The following ADORA2B variants were observed in gnomAD, a reference collection of about 807,000 sequenced individuals.
The protein encoded by ADORA2B is adenosine receptor A2b.
A neutral mutation model predicts 20.8 loss-of-function variants in ADORA2B; 18 were observed. The observed-to-expected ratio is 0.87, with a 90% confidence interval of 0.60 to 1.29. The LOEUF is 1.29. ADORA2B is among the 50% of genes most tolerant of loss of function. The pLI, the probability that ADORA2B is intolerant of heterozygous loss-of-function variation, is 0.00. For synonymous variants in ADORA2B, 179 were observed against 178.3 expected (o/e 1.00, Z -0.03); for missense variants, 441 against 422.7 (o/e 1.04, Z -0.38).
chr17:15,859,617 G>GGTTTATCCTGTTCTGTATTTTTAT, the ADORA2B span, among the ~76,000 whole-genome samples: 1 of 152,010 alleles, frequency 6.6e-6, no homozygotes, highest in Non-Finnish European at 1.5e-5. Flanking sequence ...AATCTTGAAA[G>GGTTTATCCTGTTCTGTATTTTTAT]GTTTATCCTG....
rs1242098426 is a variant in ADORA2B, at chr17:15,960,420, A to G, written c.336-14259A>G. ...ATACAAAAAATTAGCCGGGCGTGGT[A>G]GCGGGCGCCTGTAGTCCCAGCTACT... On this transcript the variant is annotated intron_variant, in intron 1 of 1. Coordinates refer to ENST00000304222, the MANE Select transcript of ADORA2B (RefSeq NM_000676.4). Among the ~76,000 whole-genome samples the G allele has an allele frequency of 3.8e-4, 4 of 10,426 alleles. 2 individuals are homozygous for G. The highest frequency in any genetic ancestry group is 4.7e-4 in the African/African-American group (4 of 8,454). 6.8% of individuals were successfully genotyped at this position (10,426 alleles called of 152,430 possible). A position where few individuals can be genotyped will look rare whatever the true frequency, so the allele number is the denominator to read the frequency against.
At chr17:15,877,814 C>A in the ADORA2B span, among the ~76,000 whole-genome samples, 1 of 152,088 alleles carries the variant, frequency 6.6e-6, no homozygotes, top group Admixed American at 6.5e-5. Flanking sequence ...GCACCTCTTG[C>A]CACAAATTTC....
the ADORA2B span, among the ~76,000 whole-genome samples, chr17:15,871,309 G>A: frequency 5.9e-5 from 9 of 152,180 alleles, no homozygotes; most frequent in African/African-American, 2.2e-4. Context: ...GCCCCAACAA[G>A]TCTAAGCTGG....
At chr17:15,944,294 G>A (rs1969770084), upstream of ADORA2B, among the ~76,000 whole-genome samples, 1 of 152,166 alleles carries the variant, frequency 6.6e-6, no homozygotes, top group South Asian at 2.1e-4. This position sits in a 1 kb window ranked among gnomAD's most constrained non-coding sequence, Gnocchi z 4.8. Flanking sequence ...TGGGGTGTTA[G>A]GATCTGGCCC....
At chr17:15,948,151 C>T (rs972615638) in intron 1 of ADORA2B, among the ~76,000 whole-genome samples, 18 of 151,614 alleles carry the variant, frequency 1.2e-4, no homozygotes, top group African/African-American at 3.4e-4. Context: ...CAGTTCCTCC[C>T]GGTTCGAGGG....
At chr17:15,960,521 T>C (rs1970021795) in intron 1 of ADORA2B, among the ~76,000 whole-genome samples, 2 of 3,912 alleles carry the variant, frequency 5.1e-4, no homozygotes, top group African/African-American at 6.0e-4. Flanking sequence ...GCCACTGCAC[T>C]CCAGCCTGGG....
chr17:15,974,762 C>A lies in ADORA2B; in HGVS notation c.419C>A (p.Pro140Gln). 1 of 1,614,118 alleles carries A rather than the reference C, an allele frequency of 6.2e-7. No homozygotes were observed. Among genetic ancestry groups the A allele is most frequent in the East Asian group, 2.2e-5 (1 of 44,874 alleles). The change falls in exon 2 of 2, where the codon CCA becomes CAA. Residue 140 changes from proline (P) to glutamine (Q), a missense_variant. Coordinates refer to ENST00000304222, the MANE Select transcript of ADORA2B (RefSeq NM_000676.4). ...WVLAFGIGLT[P>Q]FLGWNSKDSA... ...CTTGCCTTTGGCATCGGATTGACTC[C>A]ATTCCTGGGGTGGAACAGTAAAGAC...
the ADORA2B span, among the ~76,000 whole-genome samples, chr17:15,924,770 T>C: frequency 1.3e-5 from 2 of 151,848 alleles, no homozygotes; most frequent in Non-Finnish European, 2.9e-5. Flanking sequence ...GTATTTATGG[T>C]ATATATCAAA....
chr17:15,961,997 G>T (rs1197684795), intron 1 of ADORA2B, among the ~76,000 whole-genome samples: 1 of 152,162 alleles, frequency 6.6e-6, no homozygotes, highest in Non-Finnish European at 1.5e-5. Context: ...AGCAACCACG[G>T]TGATTATAAA....
the ADORA2B span, among the ~76,000 whole-genome samples, chr17:15,896,839 T>G: frequency 6.6e-6 from 1 of 152,174 alleles, no homozygotes; most frequent in Non-Finnish European, 1.5e-5. Flanking sequence ...CTTTAAAGAA[T>G]AAAAGTAAAA....
chr17:15,877,429 G>A, the ADORA2B span, among the ~76,000 whole-genome samples: 14,387 of 152,058 alleles, frequency 0.095, 830 homozygotes, highest in South Asian at 0.24. Flanking sequence ...AGCTGTTCCT[G>A]TGGCATGTCC....
the ADORA2B span, among the ~76,000 whole-genome samples, chr17:15,923,019 C>CT: frequency 6.6e-6 from 1 of 151,278 alleles, no homozygotes; most frequent in African/African-American, 2.4e-5. Flanking sequence ...TTTTCTTTTT[C>CT]TTTTCTTTTT....
intron 1 of ADORA2B, among the ~76,000 whole-genome samples, chr17:15,961,808 T>C (rs1970045453): frequency 6.6e-6 from 1 of 152,104 alleles, no homozygotes; most frequent in Non-Finnish European, 1.5e-5. Flanking sequence ...AGACCCACTC[T>C]CAAGATAACA....
chr17:15,955,939 C>T (rs1389611257), intron 1 of ADORA2B, among the ~76,000 whole-genome samples: 4 of 151,238 alleles, frequency 2.6e-5, no homozygotes, highest in South Asian at 4.2e-4. Flanking sequence ...AGGCTGGTGT[C>T]GAACTCCTGA....
the ADORA2B span, among the ~76,000 whole-genome samples, chr17:15,939,598 G>A: frequency 1.3e-5 from 2 of 152,138 alleles, no homozygotes; most frequent in African/African-American, 2.4e-5. Flanking sequence ...GCTGGCTCAC[G>A]CCTGTAATCC....
At chr17:15,868,036 C>A in the ADORA2B span, among the ~76,000 whole-genome samples, 156 of 147,828 alleles carry the variant, frequency 1.1e-3, no homozygotes, top group Non-Finnish European at 1.7e-3. Context: ...AAGAAAAATT[C>A]TTCTGCCTTG....
At chr17:15,871,371 C>T in the ADORA2B span, among the ~76,000 whole-genome samples, 1 of 152,174 alleles carries the variant, frequency 6.6e-6, no homozygotes, top group Non-Finnish European at 1.5e-5. Context: ...AGTAAGATCA[C>T]CTTAAAATAC....
chr17:15,854,048 C>T, the ADORA2B span, among the ~76,000 whole-genome samples: 6 of 152,200 alleles, frequency 3.9e-5, no homozygotes, highest in African/African-American at 1.4e-4. Flanking sequence ...CTCCGCCTCC[C>T]AAGTTCAAGT....
the ADORA2B span, among the ~76,000 whole-genome samples, chr17:15,916,526 G>C: frequency 7.3e-5 from 11 of 151,522 alleles, no homozygotes; most frequent in East Asian, 1.9e-4. Context: ...GAGCAAGGAG[G>C]GGGGGTACAT....
Sources: gnomAD v4.1 joint callset for allele counts (sites outside exome capture counted in the v4.1 genomes callset) on GRCh38, gnomAD v4.1.1 for gene constraint, Gnocchi (gnomAD v3.1) non-coding constraint, MANE v1.5 for transcripts, NCBI Gene and HGNC (gene_info 2026-07-23, HGNC 2026-07-21) for gene names.